The following PPP6R3 variants were observed in gnomAD, a reference collection of about 807,000 sequenced individuals.
The protein encoded by PPP6R3 is protein phosphatase 6 regulatory subunit 3.
In PPP6R3, 38 loss-of-function variants were observed where a neutral mutation model predicts 110.7. The observed-to-expected ratio is 0.34, with a 90% CI of 0.26 to 0.45. The LOEUF (loss-of-function observed/expected upper bound fraction) is 0.45. Ranked by LOEUF, PPP6R3 falls within the 20% of genes least tolerant of loss-of-function variation. The probability of loss-of-function intolerance (pLI) is 1.00; values close to 1 mark genes in which losing one functional copy is unlikely to be tolerated. For missense variants in PPP6R3, 870 were observed against 1,062.4 expected (o/e 0.82, Z 2.52); for synonymous variants, 369 against 373.5 (o/e 0.99, Z 0.14).
intron 17 of PPP6R3, 54 bp downstream of exon 17, chr11:68,590,768 G>C: frequency 6.7e-7 from 1 of 1,482,510 alleles, no homozygotes; most frequent in Non-Finnish European, 9.1e-7. Context: ...TAAAAATTGG[G>C]TGAGTCCCTG....
intron 23 of PPP6R3, among the ~76,000 whole-genome samples, chr11:68,611,836 G>A (rs1943580893): frequency 6.6e-6 from 1 of 152,170 alleles, no homozygotes; most frequent in African/African-American, 2.4e-5. Context: ...GGATATTGAA[G>A]CTCACCCGTC....
chr11:68,581,531 AAC>A (rs1165498957), intron 14 of PPP6R3, among the ~76,000 whole-genome samples: 1 of 152,252 alleles, frequency 6.6e-6, no homozygotes, highest in African/African-American at 2.4e-5. Context: ...ACACCCCTAA[AAC>A]ACACTGGCCC....
chr11:68,506,980 A>C (rs1006418142), intron 1 of PPP6R3, among the ~76,000 whole-genome samples: 1 of 152,198 alleles, frequency 6.6e-6, no homozygotes, highest in Non-Finnish European at 1.5e-5. Flanking sequence ...TACAACAGGC[A>C]GAGGTAGTTC....
At chr11:68,468,659 G>A (rs2098766611) in intron 1 of PPP6R3, among the ~76,000 whole-genome samples, 1 of 152,232 alleles carries the variant, frequency 6.6e-6, no homozygotes, top group East Asian at 1.9e-4. Context: ...CAGGGTGATG[G>A]TGGTTTCAGT....
chr11:68,570,513 C>T (rs908979464), intron 11 of PPP6R3, among the ~76,000 whole-genome samples: 1 of 152,204 alleles, frequency 6.6e-6, no homozygotes, highest in Non-Finnish European at 1.5e-5. Flanking sequence ...GAAGAACTAG[C>T]CCTGCACATT....
At chr11:68,521,824 C>G (rs1191500590) in intron 2 of PPP6R3, among the ~76,000 whole-genome samples, 1 of 152,170 alleles carries the variant, frequency 6.6e-6, no homozygotes, top group African/African-American at 2.4e-5. Flanking sequence ...TAATACAGCT[C>G]TCTCTTACTA....
chr11:68,463,895 C>T (rs1383334420), intron 1 of PPP6R3, among the ~76,000 whole-genome samples: 1 of 152,126 alleles, frequency 6.6e-6, no homozygotes, highest in African/African-American at 2.4e-5. Context: ...GGGCAGTGTG[C>T]TTCTGGAGGG....
rs189554388 is a variant in PPP6R3, at chr11:68,479,445, G to A, written c.-158+18618G>A. Among the ~76,000 whole-genome samples, 225 of 152,246 alleles carry A rather than the reference G, an allele frequency of 1.5e-3. 2 individuals carry two copies. The highest frequency in any genetic ancestry group is 2.2e-4 in the Non-Finnish European group (15 of 68,024). On this transcript the variant is annotated intron_variant, in intron 1 of 23. Transcript: ENST00000393800. Reference sequence around the variant, plus strand: ...GATTTTGGATTGTTTGATGAGGGACGCTCAACCTATACTTTTATATTGTCA... The same window carrying A: ...GATTTTGGATTGTTTGATGAGGGACACTCAACCTATACTTTTATATTGTCA...
chr11:68,518,862 C>T (rs2099149961), intron 1 of PPP6R3, among the ~76,000 whole-genome samples: 1 of 151,544 alleles, frequency 6.6e-6, no homozygotes, highest in Non-Finnish European at 1.5e-5. Context: ...TTTTTTTGGC[C>T]CTGTCAGGCT....
At chr11:68,591,401 A>G (rs2099594944) in intron 17 of PPP6R3, among the ~76,000 whole-genome samples, 175 bp from the exon 18 acceptor site, 1 of 152,172 alleles carries the variant, frequency 6.6e-6, no homozygotes, top group South Asian at 2.1e-4. Context: ...TTTTAGGGGA[A>G]TTCTTGTTAC....
intron 8 of PPP6R3, among the ~76,000 whole-genome samples, chr11:68,561,894 G>C (rs1267795134): frequency 6.6e-6 from 1 of 152,138 alleles, no homozygotes; most frequent in Non-Finnish European, 1.5e-5. Flanking sequence ...GAAGTAGCTA[G>C]GACTACAGGC....
intron 1 of PPP6R3, among the ~76,000 whole-genome samples, chr11:68,476,794 A>T (rs2098836071): frequency 6.6e-6 from 1 of 152,110 alleles, no homozygotes; most frequent in Non-Finnish European, 1.5e-5. Context: ...AAACCTAGGC[A>T]GGAGGATGCT....
At chr11:68,491,158 G>A (rs1247620564) in intron 1 of PPP6R3, among the ~76,000 whole-genome samples, 1 of 152,066 alleles carries the variant, frequency 6.6e-6, no homozygotes, top group Non-Finnish European at 1.5e-5. Context: ...CTGCACTCCA[G>A]CCTGGGTGAC....
intron 16 of PPP6R3, 87 bp from the exon 17 acceptor site, chr11:68,590,573 T>C (rs2099591966): frequency 1.5e-6 from 2 of 1,352,630 alleles, no homozygotes; most frequent in Admixed American, 2.4e-5. Flanking sequence ...AGTGTAAATA[T>C]CTTAAATTTG....
At chr11:68,565,691 C>G (rs74465330) in intron 9 of PPP6R3, among the ~76,000 whole-genome samples, 7,335 of 151,898 alleles carry the variant, frequency 0.048, 635 homozygotes, top group African/African-American at 0.17. Flanking sequence ...GGCCCCGATT[C>G]AAAAGTAAGG....
At chr11:68,487,797 C>G (rs912355470) in intron 1 of PPP6R3, among the ~76,000 whole-genome samples, 3 of 151,992 alleles carry the variant, frequency 2.0e-5, no homozygotes, top group African/African-American at 4.8e-5. Context: ...AGTGTGGGCT[C>G]TCTTGGTGAA....
At chr11:68,612,090 G>T (rs994843749) in intron 23 of PPP6R3, among the ~76,000 whole-genome samples, 3 of 152,206 alleles carry the variant, frequency 2.0e-5, no homozygotes, top group Admixed American at 6.5e-5. Context: ...TTTTACAGAG[G>T]AGAAAACAGA....
chr11:68,609,191 C>T (rs925904887), intron 22 of PPP6R3, among the ~76,000 whole-genome samples: 11 of 152,196 alleles, frequency 7.2e-5, no homozygotes, highest in African/African-American at 2.7e-4. Flanking sequence ...CACCAAGAAC[C>T]ATCTAAGGGG....
intron 8 of PPP6R3, among the ~76,000 whole-genome samples, chr11:68,562,473 C>G (rs1452033054): frequency 6.6e-6 from 1 of 151,986 alleles, no homozygotes; most frequent in East Asian, 1.9e-4. Flanking sequence ...GTACAGTAGC[C>G]AAAACAATTT....
Sources: allele counts gnomAD v4.1 joint callset (sites outside exome capture counted in the v4.1 genomes callset), GRCh38; gene constraint gnomAD v4.1.1; transcripts MANE v1.5; gene names NCBI Gene and HGNC (gene_info 2026-07-23, HGNC 2026-07-21).